CDYL: variants seen among roughly 807,000 people sequenced by gnomAD.
CDYL encodes chromodomain Y-like protein.
CDYL carries 8 observed loss-of-function variants against 47.3 expected under a neutral mutation model. The observed-to-expected ratio is 0.17, with a 90% CI of 0.10 to 0.31. CDYL has a LOEUF of 0.31. Ranked by LOEUF, CDYL falls within the 10% of genes least tolerant of loss-of-function variation. CDYL has a pLI of 1.00. For missense variants in CDYL, 471 were observed against 701.4 expected, an observed-to-expected ratio of 0.67 and a Z score of 3.71; for synonymous variants, 266 against 265.0, an observed-to-expected ratio of 1.00 and a Z score of -0.04.
chr6:4,951,457 G>C (rs185737721), intron 5 of CDYL, among the ~76,000 whole-genome samples: 2,928 of 152,060 alleles, frequency 0.019, 49 homozygotes, highest in Middle Eastern at 0.031. Flanking sequence ...TCAGTGTCAT[G>C]TATTAAAAAA....
intron 3 of CDYL, among the ~76,000 whole-genome samples, chr6:4,744,553 A>G (rs1757854528): frequency 1.3e-5 from 2 of 152,286 alleles, no homozygotes; most frequent in South Asian, 4.1e-4. Flanking sequence ...GTTGAAATCA[A>G]GGAAAAGTCC....
intron 1 of CDYL, among the ~76,000 whole-genome samples, chr6:4,889,373 A>G (rs933836747): frequency 2.0e-5 from 3 of 151,986 alleles, no homozygotes; most frequent in Non-Finnish European, 2.9e-5. Flanking sequence ...ACAGGTGTGC[A>G]CCACCATGCC....
intron 4 of CDYL, among the ~76,000 whole-genome samples, chr6:4,939,220 C>T (rs539938319): frequency 5.9e-4 from 90 of 152,300 alleles, no homozygotes; most frequent in Admixed American, 1.6e-3. Flanking sequence ...GCCCTTGGTG[C>T]ACTGGGCTTT....
chr6:4,770,624 TCTA>T (rs1373904663), intron 3 of CDYL, among the ~76,000 whole-genome samples: 2 of 152,336 alleles, frequency 1.3e-5, no homozygotes, highest in African/African-American at 4.8e-5. Flanking sequence ...TGGAAAATCT[TCTA>T]CATTGTGTGG....
intron 5 of CDYL, among the ~76,000 whole-genome samples, chr6:4,951,518 C>T (rs574884064): frequency 6.6e-6 from 1 of 151,954 alleles, no homozygotes; most frequent in South Asian, 2.1e-4. Context: ...CATATATACA[C>T]ATATATATTC....
intron 2 of CDYL, among the ~76,000 whole-genome samples, chr6:4,927,025 G>T (rs747666184): frequency 3.9e-5 from 6 of 152,152 alleles, no homozygotes; most frequent in Non-Finnish European, 8.8e-5. Context: ...AAAATCTTCA[G>T]AAGCATAATA....
chr6:4,858,784 C>T (rs1183979503), intron 1 of CDYL, among the ~76,000 whole-genome samples: 2 of 152,224 alleles, frequency 1.3e-5, no homozygotes, highest in Non-Finnish European at 2.9e-5. Flanking sequence ...AGTTACTGCT[C>T]CCTTGACAGA....
chr6:4,739,260 G>A (rs1260845917), intron 3 of CDYL, among the ~76,000 whole-genome samples: 1 of 151,994 alleles, frequency 6.6e-6, no homozygotes, highest in African/African-American at 2.4e-5. Context: ...GCTCACTCCT[G>A]TAATCCTAGC....
Position 4,776,823 on chromosome 6 carries a change from CCGGCCTCGGG to C in CDYL, c.24+18_24+27del. ...GCTGTACGAGGTACCTCCCCTCCCC[CCGGCCTCGGG>C]CCGCCCCCCGCCCGCCGCCCCTCCC... On this transcript the variant is annotated intron_variant, in intron 1 of 6. Transcript: ENST00000397588. The C allele has an allele frequency of 2.9e-6, 3 of 1,021,384 alleles. No individual in the cohort carries two copies. The highest frequency in any genetic ancestry group is 3.0e-5 in the South Asian group (1 of 33,110). 63.3% of individuals were successfully genotyped at this position (1,021,384 alleles called of 1,614,324 possible).
intron 5 of CDYL, among the ~76,000 whole-genome samples, chr6:4,950,857 G>A (rs1291165880): frequency 6.6e-6 from 1 of 151,902 alleles, no homozygotes; most frequent in Admixed American, 6.6e-5. Flanking sequence ...GTGTGAGCCT[G>A]GGAGGCGGAG....
intron 4 of CDYL, among the ~76,000 whole-genome samples, chr6:4,939,932 C>T (rs188896015): frequency 3.9e-5 from 6 of 152,304 alleles, no homozygotes; most frequent in Non-Finnish European, 7.4e-5. Flanking sequence ...TGGGTCCTGG[C>T]TCCGTTTTCC....
At chr6:4,789,327 G>A (rs1280909662) in intron 1 of CDYL, among the ~76,000 whole-genome samples, 2 of 152,178 alleles carry the variant, frequency 1.3e-5, no homozygotes, top group Non-Finnish European at 2.9e-5. Flanking sequence ...CTGCTCCTTA[G>A]CCTCCCAAGG....
At chr6:4,731,900 G>A (rs929560800) in intron 2 of CDYL, among the ~76,000 whole-genome samples, 2 of 152,132 alleles carry the variant, frequency 1.3e-5, no homozygotes, top group African/African-American at 4.8e-5. Flanking sequence ...TGTGGAAGGA[G>A]GGGGAAGATG....
chr6:4,735,625 GC>G (rs1302979757), intron 3 of CDYL, among the ~76,000 whole-genome samples: 1 of 151,958 alleles, frequency 6.6e-6, no homozygotes, highest in Admixed American at 6.6e-5. Flanking sequence ...AATTAGCCAA[GC>G]TTGGTGGTGC....
chr6:4,778,783 T>C (rs80318465), intron 1 of CDYL, among the ~76,000 whole-genome samples: 5,325 of 152,318 alleles, frequency 0.035, 304 homozygotes, highest in African/African-American at 0.12. Context: ...AACTTTTCTT[T>C]TACTTGTAGG....
intron 1 of CDYL, among the ~76,000 whole-genome samples, chr6:4,791,997 C>G (rs942193316): frequency 1.8e-4 from 27 of 151,412 alleles, no homozygotes; most frequent in African/African-American, 6.6e-4. Context: ...ATTCTCCTGC[C>G]TCAGCCTCCC....
intron 1 of CDYL, among the ~76,000 whole-genome samples, chr6:4,849,063 A>G (rs1420224598): frequency 6.6e-6 from 1 of 152,188 alleles, no homozygotes; most frequent in Non-Finnish European, 1.5e-5. Flanking sequence ...TTCTTGATCA[A>G]ATTTTAGGTT....
intron 3 of CDYL, among the ~76,000 whole-genome samples, chr6:4,765,110 G>A (rs1205253278): frequency 6.6e-6 from 1 of 151,894 alleles, no homozygotes; most frequent in East Asian, 1.9e-4. Flanking sequence ...ATTAACTGAG[G>A]TCAGGGGTTT....
chr6:4,881,639 A>G (rs1002947808), intron 1 of CDYL, among the ~76,000 whole-genome samples: 32 of 152,164 alleles, frequency 2.1e-4, no homozygotes, highest in Admixed American at 2.0e-3. Context: ...CTGTCTACAT[A>G]TGATAAACCC....
Sources: gnomAD v4.1 joint callset for allele counts (sites outside exome capture counted in the v4.1 genomes callset) on GRCh38, gnomAD v4.1.1 for gene constraint, MANE v1.5 for transcripts, NCBI Gene and HGNC (gene_info 2026-07-23, HGNC 2026-07-21) for gene names.